IL1RAPL2: variants seen among roughly 807,000 people sequenced by gnomAD.
The protein encoded by IL1RAPL2 is X-linked interleukin-1 receptor accessory protein-like 2.
A neutral mutation model predicts 44.1 loss-of-function variants in IL1RAPL2; 3 were observed. The ratio of observed to expected loss-of-function variants is 0.07; its 90% CI spans 0.03 to 0.18. The LOEUF is 0.18. Among genes scored for constraint, IL1RAPL2 ranks in the 10% least tolerant of loss-of-function variants. The probability of loss-of-function intolerance (pLI) is 1.00; values close to 1 mark genes in which losing one functional copy is unlikely to be tolerated. For synonymous variants in IL1RAPL2, 181 were observed against 178.8 expected (o/e 1.01, Z -0.10); for missense variants, 391 against 496.4 (o/e 0.79, Z 2.02).
chrX:105,204,511 T>C (rs1352760204), intron 3 of IL1RAPL2, among the ~76,000 whole-genome samples: 1 of 111,990 alleles, frequency 8.9e-6, no homozygotes, highest in Non-Finnish European at 1.9e-5. Flanking sequence ...AATGCTTATA[T>C]GGACTAATAT....
At chrX:105,309,267 C>T (rs1411999474) in intron 5 of IL1RAPL2, among the ~76,000 whole-genome samples, 8 of 106,695 alleles carry the variant, frequency 7.5e-5, no homozygotes. Context: ...AAACTCCTGA[C>T]CTCAAGTAAT....
At chrX:105,412,306 GTATATA>G (rs56979628) in intron 5 of IL1RAPL2, among the ~76,000 whole-genome samples, 1,270 of 93,116 alleles carry the variant, frequency 0.014, 14 homozygotes, top group Middle Eastern at 0.033. Context: ...GAAAAATGTA[GTATATA>G]TATATATATA....
intron 2 of IL1RAPL2, among the ~76,000 whole-genome samples, chrX:105,017,069 T>G (rs2031194217): frequency 8.9e-6 from 1 of 111,884 alleles, no homozygotes; most frequent in African/African-American, 3.2e-5. Context: ...TCATTTCTTC[T>G]AGATTTTCCA....
At chrX:104,596,056 A>G (rs1928757628) in intron 1 of IL1RAPL2, among the ~76,000 whole-genome samples, 1 of 111,453 alleles carries the variant, frequency 9.0e-6, no homozygotes, top group African/African-American at 3.3e-5. Context: ...CATGCATTCA[A>G]TAAAATACAA....
chrX:105,753,868 G>T (rs963030315), intron 9 of IL1RAPL2, among the ~76,000 whole-genome samples: 3 of 111,408 alleles, frequency 2.7e-5, no homozygotes, highest in Admixed American at 9.5e-5. Flanking sequence ...AGTGGTGAAG[G>T]CTAAAATCTT....
rs187943205 is a variant in IL1RAPL2 at position 104,583,650 on chromosome X, T to A, written c.-20+16599T>A. ...AATTTGTTTACCATTCATCAATTGG[T>A]AGACATTTAGGTTGTTTCCACTTTT... On this transcript the variant is annotated intron_variant, in intron 1 of 10. Coordinates refer to ENST00000372582, the MANE Select transcript of IL1RAPL2 (RefSeq NM_017416.2). Among the ~76,000 whole-genome samples, 102 of 112,100 alleles carry A rather than the reference T, an allele frequency of 9.1e-4. 1 individual carries two copies. The highest frequency in any genetic ancestry group is 3.0e-3 in the African/African-American group (94 of 30,865).
chrX:104,996,731 GGT>G (rs1308180024), intron 2 of IL1RAPL2, among the ~76,000 whole-genome samples: 1 of 111,808 alleles, frequency 8.9e-6, no homozygotes, highest in African/African-American at 3.2e-5. Context: ...AGGCAGATGA[GGT>G]GTTTGAGATC....
chrX:104,906,150 A>AT (rs1248657276), intron 2 of IL1RAPL2, among the ~76,000 whole-genome samples: 2 of 110,675 alleles, frequency 1.8e-5, no homozygotes, highest in East Asian at 5.7e-4. Flanking sequence ...TTGTACATTG[A>AT]TTTTGTATCC....
intron 2 of IL1RAPL2, among the ~76,000 whole-genome samples, chrX:104,910,172 T>G (rs1924187066): frequency 8.9e-6 from 1 of 112,446 alleles, no homozygotes; most frequent in Non-Finnish European, 1.9e-5. Context: ...CCTGACCCCT[T>G]GCGCTTCCCG....
chrX:105,449,889 C>T lies in IL1RAPL2; in HGVS notation c.698-34424C>T, dbSNP rs72616899. ...AATTGAGAGTGTGGTGCTGCAAGCACCCCTATGGCCATCACCACTGGGATT... is the reference window on the plus strand; with the variant it reads ...AATTGAGAGTGTGGTGCTGCAAGCATCCCTATGGCCATCACCACTGGGATT... On this transcript the variant is annotated intron_variant, in intron 5 of 10. Coordinates refer to ENST00000372582, the MANE Select transcript of IL1RAPL2 (RefSeq NM_017416.2). Among the ~76,000 whole-genome samples, 1,103 of 112,231 alleles carry T rather than the reference C, an allele frequency of 9.8e-3. 13 individuals are homozygous for T. In the South Asian group the frequency reaches 0.13, roughly 13 times the overall value.
intron 5 of IL1RAPL2, among the ~76,000 whole-genome samples, chrX:105,429,603 C>A (rs778310249): frequency 4.1e-4 from 46 of 111,811 alleles, no homozygotes; most frequent in Non-Finnish European, 7.0e-4. Context: ...CTATGTTTGG[C>A]AAACAATGCT....
intron 1 of IL1RAPL2, among the ~76,000 whole-genome samples, chrX:104,583,390 A>G (rs781287949): frequency 1.1e-3 from 121 of 111,409 alleles, no homozygotes; most frequent in African/African-American, 3.5e-3. Flanking sequence ...GTTACACTCC[A>G]TTTACCCAAC....
chrX:105,574,780 T>G (rs1173479645), intron 6 of IL1RAPL2, among the ~76,000 whole-genome samples: 1 of 111,429 alleles, frequency 9.0e-6, no homozygotes, highest in African/African-American at 3.3e-5. Context: ...TTACGTAGAC[T>G]TGGTAGAAAC....
rs149099890 is a variant in IL1RAPL2 at position 105,197,104 on chromosome X, G to T, written c.356+1356G>T. ...AGGGGAAGAAAATGGAGTGATGGGG[G>T]AGCAAATGGTGAGTTTAGTCTCTGT... On this transcript the variant is annotated intron_variant, in intron 3 of 10. Coordinates refer to ENST00000372582, the MANE Select transcript of IL1RAPL2 (RefSeq NM_017416.2). 3.7e-3 allele frequency among the ~76,000 whole-genome samples: 409 copies of T among 110,905 alleles called. 4 individuals are homozygous for T. The highest frequency in any genetic ancestry group is 0.013 in the African/African-American group (384 of 30,445).
intron 6 of IL1RAPL2, among the ~76,000 whole-genome samples, chrX:105,704,779 A>T (rs1415934813): frequency 9.1e-6 from 1 of 109,398 alleles, no homozygotes; most frequent in African/African-American, 3.3e-5. Flanking sequence ...TCTCCCTCCC[A>T]CCACCCCACC....
At chrX:105,064,573 A>G (rs2032114275) in intron 2 of IL1RAPL2, among the ~76,000 whole-genome samples, 1 of 112,405 alleles carries the variant, frequency 8.9e-6, no homozygotes, top group Non-Finnish European at 1.9e-5. Context: ...AACCACTAAT[A>G]TCTGGAAACC....
intron 2 of IL1RAPL2, among the ~76,000 whole-genome samples, chrX:105,122,301 A>C (rs2032933548): frequency 8.9e-6 from 1 of 112,078 alleles, no homozygotes; most frequent in Non-Finnish European, 1.9e-5. Context: ...CAAACACTCA[A>C]CTTCTTAGAG....
intron 2 of IL1RAPL2, among the ~76,000 whole-genome samples, chrX:104,892,439 T>C (rs1164712160): frequency 8.9e-6 from 1 of 111,766 alleles, no homozygotes; most frequent in Admixed American, 9.5e-5. Context: ...CTTTTTTTGG[T>C]TGGTAGTCTA....
intron 1 of IL1RAPL2, among the ~76,000 whole-genome samples, chrX:104,646,910 T>G (rs1383786783): frequency 1.8e-5 from 2 of 111,754 alleles, no homozygotes; most frequent in Admixed American, 9.5e-5. Flanking sequence ...AGGTGTTAAG[T>G]ATTTTGAGAA....
Sources: gnomAD v4.1 joint callset for allele counts (sites outside exome capture counted in the v4.1 genomes callset) on GRCh38, gnomAD v4.1.1 for gene constraint, MANE v1.5 for transcripts, NCBI Gene and HGNC (gene_info 2026-07-23, HGNC 2026-07-21) for gene names.